PCDHA2: variants seen among roughly 807,000 people sequenced by gnomAD.
PCDHA2 encodes protocadherin alpha 2, also known as protocadherin alpha-2.
In PCDHA2, 58 loss-of-function variants were observed where a neutral mutation model predicts 66.0. The observed-to-expected ratio is 0.88, with a 90% CI of 0.71 to 1.09. PCDHA2 has a LOEUF of 1.09. Ranked by LOEUF, PCDHA2 falls within the 50% of genes least tolerant of loss-of-function variation. The pLI, the probability that PCDHA2 is intolerant of heterozygous loss-of-function variation, is 0.00. For missense variants in PCDHA2, 1,267 were observed against 1,242.3 expected (o/e 1.02, Z -0.30); for synonymous variants, 634 against 554.0 (o/e 1.14, Z -2.03).
At position 140,912,557 on chromosome 5, in the gene PCDHA2, A is replaced by T. The variant is rs1220242152; in HGVS notation, c.2389-66392A>T. On this transcript the variant is annotated intron_variant, in intron 1 of 3. Transcript: ENST00000526136. ...GATCATATTGTCAGCAAACAGCAAC[A>T]GTTTTAACTTCCTCTTTTCCAATTT... Among the ~76,000 whole-genome samples the T allele has an allele frequency of 4.6e-5, 7 of 152,154 alleles. No individual in the cohort carries two copies. The South Asian group carries it at 1.5e-3, about 32-fold the overall frequency.
chr5:140,901,092 T>C (rs1374524038), intron 1 of PCDHA2, among the ~76,000 whole-genome samples: 5 of 152,228 alleles, frequency 3.3e-5, no homozygotes, highest in African/African-American at 1.2e-4. Context: ...TTGAGCTCCT[T>C]CTACATTCTG....
chr5:140,932,952 T>G (rs2088746376), intron 1 of PCDHA2, among the ~76,000 whole-genome samples: 1 of 152,008 alleles, frequency 6.6e-6, no homozygotes, highest in Non-Finnish European at 1.5e-5. Flanking sequence ...GAAGGTGGAC[T>G]AAATTGCTGA....
At chr5:140,869,296 C>G (rs782726122) in intron 1 of PCDHA2, 2 of 1,613,602 alleles carry the variant, frequency 1.2e-6, no homozygotes, top group South Asian at 1.1e-5. Flanking sequence ...GCGCCTGTTC[C>G]GGGTGGCGTC....
At position 140,884,316 on chromosome 5, in the gene PCDHA2, C is replaced by T. The variant is rs563652109; in HGVS notation, c.2388+86964C>T. The T allele has an allele frequency of 3.1e-6, 5 of 1,613,752 alleles. No individual in the cohort carries two copies. The East Asian group carries it at 8.9e-5, about 29-fold the overall frequency. On this transcript the variant is annotated intron_variant, in intron 1 of 3. Coordinates refer to ENST00000526136, the MANE Select transcript of PCDHA2 (RefSeq NM_018905.3). ...GCGCCACAGGCTTCGTCGAGGGCGT[C>T]GGCAGGCGCTGTGGGTCCAGAAGCG...
In PCDHA2 at chr5:140,911,791, C is replaced by G. The variant is rs567528220; in HGVS notation, c.2389-67158C>G. 3.9e-5 allele frequency among the ~76,000 whole-genome samples: 6 copies of G among 152,230 alleles called. No homozygotes were observed. The East Asian group carries it at 9.6e-4, about 24-fold the overall frequency. ...AGTACAGTCCTTAGCATTTTTGGGT[C>G]TAATCATATTAAGCAGCCTTCTCCA... On this transcript the variant is annotated intron_variant, in intron 1 of 3. Transcript: ENST00000526136.
intron 1 of PCDHA2, chr5:140,822,338 C>T (rs1440067593): frequency 1.9e-6 from 3 of 1,613,934 alleles, no homozygotes; most frequent in African/African-American, 1.3e-5. Flanking sequence ...GAAGAAGAAA[C>T]GAACTTTTTA....
intron 1 of PCDHA2, among the ~76,000 whole-genome samples, chr5:140,800,411 T>C (rs1362325122): frequency 6.6e-6 from 1 of 152,182 alleles, no homozygotes; most frequent in Non-Finnish European, 1.5e-5. Context: ...TAAATGTACA[T>C]ATTTTAAGAA....
At chr5:140,952,794 G>T (rs2094798904) in intron 1 of PCDHA2, among the ~76,000 whole-genome samples, 1 of 152,140 alleles carries the variant, frequency 6.6e-6, no homozygotes, top group Admixed American at 6.5e-5. Context: ...GGTTTAACTG[G>T]CTCGCAGTTC....
chr5:140,829,233 C>T, intron 1 of PCDHA2: 1 of 1,614,254 alleles, frequency 6.2e-7, no homozygotes, highest in Non-Finnish European at 8.5e-7. Context: ...GATTCAGGTG[C>T]CAACGGGCAG....
chr5:140,926,997 C>G (rs782110120), intron 1 of PCDHA2: 4 of 1,612,104 alleles, frequency 2.5e-6, no homozygotes, highest in African/African-American at 2.7e-5. Flanking sequence ...GGGGCGTAGC[C>G]GTAGGCAATC....
intron 2 of PCDHA2, among the ~76,000 whole-genome samples, chr5:140,979,725 G>A (rs2096861699): frequency 6.6e-6 from 1 of 152,136 alleles, no homozygotes; most frequent in South Asian, 2.1e-4. Context: ...CCATGCCATG[G>A]GGCCAAATAA....
chr5:140,875,651 T>C lies in PCDHA2; in HGVS notation c.2388+78299T>C, dbSNP rs782085221. 1.4e-5 allele frequency: 23 copies of C among 1,613,722 alleles called. No homozygotes were observed. The East Asian group carries it at 5.1e-4, about 36-fold the overall frequency. On this transcript the variant is annotated intron_variant, in intron 1 of 3. Transcript: ENST00000526136. The stretch of plus-strand genomic sequence containing the variant: ...CTGGGGCTGGAGCTGGCGGAGCTGG[T>C]GCCGCGCCTGTTCCGGGTGGCGTCC...
chr5:140,925,330 A>G (rs1459062876), intron 1 of PCDHA2, among the ~76,000 whole-genome samples: 2 of 152,132 alleles, frequency 1.3e-5, no homozygotes, highest in African/African-American at 4.8e-5. Context: ...CCTGTATTAA[A>G]AGAAGGATTT....
chr5:140,950,694 T>C (rs1361506103), intron 1 of PCDHA2, among the ~76,000 whole-genome samples: 4 of 152,104 alleles, frequency 2.6e-5, no homozygotes, highest in African/African-American at 9.7e-5. Flanking sequence ...TAACCAAATT[T>C]GACAAATTTT....
intron 1 of PCDHA2, among the ~76,000 whole-genome samples, chr5:140,898,087 T>C (rs1480771668): frequency 2.6e-5 from 4 of 152,150 alleles, no homozygotes; most frequent in Non-Finnish European, 5.9e-5. Flanking sequence ...TTCTGGATAT[T>C]AGCCCTTTGT....
At chr5:140,802,997 C>T (rs781934902) in intron 1 of PCDHA2, 3 of 1,613,922 alleles carry the variant, frequency 1.9e-6, no homozygotes, top group African/African-American at 1.3e-5. Context: ...TGGATGCAGA[C>T]TCAGGCTACA....
intron 1 of PCDHA2, among the ~76,000 whole-genome samples, chr5:140,922,238 T>C (rs1554200737): frequency 6.6e-6 from 1 of 152,210 alleles, no homozygotes; most frequent in East Asian, 1.9e-4. Context: ...CCATGATGTG[T>C]ATGAAGATAA....
At chr5:140,850,138 A>T in intron 1 of PCDHA2, 1 of 1,595,694 alleles carries the variant, frequency 6.3e-7, no homozygotes, top group Non-Finnish European at 8.6e-7. Context: ...CTGGGCAGCA[A>T]CGTGACGCTG....
chr5:140,836,615 G>T (rs2150265724), intron 1 of PCDHA2: 33 of 1,613,516 alleles, frequency 2.0e-5, no homozygotes, highest in Non-Finnish European at 4.2e-6. Context: ...GCTCCAGCGC[G>T]GTGGGGAGCT....
Sources: allele counts gnomAD v4.1 joint callset (sites outside exome capture counted in the v4.1 genomes callset), GRCh38; gene constraint gnomAD v4.1.1; transcripts MANE v1.5; gene names NCBI Gene and HGNC (gene_info 2026-07-23, HGNC 2026-07-21).